PTPRM: variants seen among roughly 807,000 people sequenced by gnomAD.
PTPRM encodes protein tyrosine phosphatase receptor type M, also known as receptor-type tyrosine-protein phosphatase mu.
PTPRM carries 47 observed loss-of-function variants against 186.7 expected under a neutral mutation model. That is an observed-to-expected ratio of 0.25 (90% CI 0.20 to 0.32). The LOEUF (loss-of-function observed/expected upper bound fraction) is 0.32. PTPRM is among the 10% of genes least tolerant of loss of function. PTPRM has a pLI of 1.00. For synonymous variants in PTPRM, 668 were observed against 674.9 expected (o/e 0.99, Z 0.16); for missense variants, 1,494 against 1,865.0 (o/e 0.80, Z 3.66).
At chr18:8,055,918 T>C (rs1013191329) in intron 7 of PTPRM, among the ~76,000 whole-genome samples, 2 of 152,180 alleles carry the variant, frequency 1.3e-5, no homozygotes, top group African/African-American at 4.8e-5. Context: ...GGTGCTGATA[T>C]AGACAACTAG....
At chr18:8,080,924 G>C (rs8097080) in intron 9 of PTPRM, among the ~76,000 whole-genome samples, 4,689 of 152,148 alleles carry the variant, frequency 0.031, 237 homozygotes, top group African/African-American at 0.11. Context: ...TAGCAGCTCT[G>C]CCTATCTTTC....
intron 1 of PTPRM, among the ~76,000 whole-genome samples, chr18:7,609,865 A>T (rs1190985151): frequency 6.6e-6 from 1 of 152,094 alleles, no homozygotes; most frequent in African/African-American, 2.4e-5. Flanking sequence ...GATGGTGAGA[A>T]TTTTGCTAAT....
In PTPRM at chr18:7,960,478, TATACAC is replaced by T. The variant is rs1298797755; in HGVS notation, c.1132+5066_1132+5071del. Among the ~76,000 whole-genome samples, 289 of 93,832 alleles carry T rather than the reference TATACAC, an allele frequency of 3.1e-3. 1 individual carries two copies. Among genetic ancestry groups the T allele is most frequent in the South Asian group, 0.01 (30 of 2,924 alleles). The allele number at this position is 93,832 out of a possible 152,430, so 61.6% of individuals were successfully genotyped here. A position where few individuals can be genotyped will look rare whatever the true frequency, so the allele number is the denominator to read the frequency against. On this transcript the variant is annotated intron_variant, in intron 7 of 32. Coordinates refer to ENST00000580170, the MANE Select transcript of PTPRM (RefSeq NM_001105244.2). ...ATATATATATATATATATATATATA[TATACAC>T]ACACACACACACACACACACACACG...
At chr18:7,580,280 C>T (rs892220685) in intron 1 of PTPRM, among the ~76,000 whole-genome samples, 5 of 152,168 alleles carry the variant, frequency 3.3e-5, no homozygotes, top group East Asian at 1.9e-4. Flanking sequence ...GTCTAGAGCA[C>T]TGGGTCCCAT....
At chr18:8,405,597 A>C (rs2095901525) in intron 32 of PTPRM, among the ~76,000 whole-genome samples, 1 of 152,204 alleles carries the variant, frequency 6.6e-6, no homozygotes, top group Non-Finnish European at 1.5e-5. Flanking sequence ...TCTCAAAATC[A>C]GGGACCAGGT....
rs560152571 is a variant in PTPRM at position 7,577,279 on chromosome 18, A to G, written c.73+9388A>G. On this transcript the variant is annotated intron_variant, in intron 1 of 32. Coordinates refer to ENST00000580170, the MANE Select transcript of PTPRM (RefSeq NM_001105244.2). ...AAGTAAGACTGTAGTTTTATTGTGT[A>G]TAATAAAAATGTATAAATCAGTTAT... 1.3e-4 allele frequency among the ~76,000 whole-genome samples: 20 copies of G among 152,342 alleles called. No homozygotes were observed. The South Asian group carries it at 2.1e-3, about 16-fold the overall frequency.
intron 31 of PTPRM, among the ~76,000 whole-genome samples, chr18:8,394,001 C>T (rs1050885774): frequency 1.3e-5 from 2 of 152,086 alleles, no homozygotes; most frequent in African/African-American, 4.8e-5. Flanking sequence ...CCGTGTTTAG[C>T]CAGGAAGGTC....
intron 2 of PTPRM, among the ~76,000 whole-genome samples, chr18:7,776,084 A>G (rs1185571928): frequency 2.6e-5 from 4 of 152,274 alleles, no homozygotes; most frequent in Non-Finnish European, 5.9e-5. Flanking sequence ...GATGCTGCAC[A>G]TATATGGCCT....
At position 8,376,114 on chromosome 18, in the gene PTPRM, C is replaced by G; in HGVS notation, c.3240C>G (p.Pro1080=). 4 of 1,614,104 alleles carry G rather than the reference C, an allele frequency of 2.5e-6. No individual in the cohort carries two copies. The highest frequency in any genetic ancestry group is 3.4e-6 in the Non-Finnish European group (4 of 1,180,006). The change falls in exon 25 of 33, where the codon CCC becomes CCG. Residue 1080 remains proline, a synonymous_variant. Coordinates refer to ENST00000580170, the MANE Select transcript of PTPRM (RefSeq NM_001105244.2). ...HFTGWPDHGV[P]YHATGLLGFV... ...CTGGCTGGCCGGATCATGGGGTCCC[C>G]TACCATGCCACCGGCCTGCTGGGAT...
intron 2 of PTPRM, among the ~76,000 whole-genome samples, chr18:7,784,406 T>C (rs1286258803): frequency 6.6e-6 from 1 of 152,112 alleles, no homozygotes; most frequent in Non-Finnish European, 1.5e-5. Flanking sequence ...AGCTGCCTGC[T>C]GTAACCTGAA....
intron 1 of PTPRM, among the ~76,000 whole-genome samples, chr18:7,685,761 T>G (rs1184906626): frequency 6.6e-6 from 1 of 152,086 alleles, no homozygotes; most frequent in African/African-American, 2.4e-5. Flanking sequence ...TCCTAAGGAC[T>G]CCTCAGAGCC....
At chr18:7,742,563 G>A (rs1490547995) in intron 1 of PTPRM, among the ~76,000 whole-genome samples, 2 of 152,190 alleles carry the variant, frequency 1.3e-5, no homozygotes, top group Non-Finnish European at 2.9e-5. Context: ...TCCTATCTGG[G>A]CACAGTGGTT....
intron 1 of PTPRM, among the ~76,000 whole-genome samples, chr18:7,613,724 T>C (rs2037735436): frequency 1.3e-5 from 2 of 152,124 alleles, no homozygotes; most frequent in South Asian, 4.1e-4. Flanking sequence ...TATGCAGTTA[T>C]CCATCAGTAA....
rs139310286 is a variant in PTPRM at position 8,046,911 on chromosome 18, C to T, written c.1133-22775C>T. Among the ~76,000 whole-genome samples the T allele has an allele frequency of 3.1e-3, 468 of 152,214 alleles. 11 individuals are homozygous for T. In the South Asian group the frequency reaches 0.053, roughly 17 times the overall value. On this transcript the variant is annotated intron_variant, in intron 7 of 32. Coordinates refer to ENST00000580170, the MANE Select transcript of PTPRM (RefSeq NM_001105244.2). The stretch of plus-strand genomic sequence containing the variant: ...CCACACTTGCTCAGGGAGTGTTCCC[C>T]GCAACATCTGCCCACCATGTACTCT...
rs1491400544 is a variant in PTPRM, at chr18:7,876,140, A to ATG, written c.197-11955_197-11954dup. ...ACTGTGTGTGTGTGTGTGTGTGTGC[A>ATG]TGTGTGTGTGTGAGAAATTCAAAAC... is the stretch of plus-strand genomic sequence containing the variant. On this transcript the variant is annotated intron_variant, in intron 2 of 32. Coordinates refer to ENST00000580170, the MANE Select transcript of PTPRM (RefSeq NM_001105244.2). Among the ~76,000 whole-genome samples the ATG allele has an allele frequency of 8.8e-3, 1,313 of 148,878 alleles. 10 individuals carry two copies. Among genetic ancestry groups the ATG allele is most frequent in the African/African-American group, 0.03 (1,190 of 40,208 alleles).
chr18:7,912,542 C>T (rs2050328098), intron 4 of PTPRM, among the ~76,000 whole-genome samples: 5 of 152,082 alleles, frequency 3.3e-5, no homozygotes, highest in African/African-American at 9.7e-5. Flanking sequence ...GACAGAGTCT[C>T]ACTCTGTTGC....
chr18:8,079,686 C>A (rs555822551), intron 9 of PTPRM, among the ~76,000 whole-genome samples: 1 of 152,032 alleles, frequency 6.6e-6, no homozygotes, highest in East Asian at 1.9e-4. Context: ...TTTAGAAGAA[C>A]CTTCTAAGAA....
intron 1 of PTPRM, among the ~76,000 whole-genome samples, chr18:7,623,719 G>A (rs1190088505): frequency 3.3e-5 from 5 of 152,066 alleles, no homozygotes; most frequent in Non-Finnish European, 2.9e-5. Flanking sequence ...AAGAGGCCTA[G>A]AATATTAAAA....
intron 26 of PTPRM, chr18:8,377,560 A>ATT (rs1413361280): frequency 6.6e-6 from 1 of 152,150 alleles, no homozygotes; most frequent in African/African-American, 2.4e-5. Context: ...GTTGGACAAG[A>ATT]GGTTGTTGAA....
Sources: gnomAD v4.1 joint callset for allele counts (sites outside exome capture counted in the v4.1 genomes callset) on GRCh38, gnomAD v4.1.1 for gene constraint, MANE v1.5 for transcripts, NCBI Gene and HGNC (gene_info 2026-07-23, HGNC 2026-07-21) for gene names.